KCNQ5: variants seen among roughly 807,000 people sequenced by gnomAD.
KCNQ5 encodes the protein potassium voltage-gated channel subfamily KQT member 5.
A neutral mutation model predicts 98.2 loss-of-function variants in KCNQ5; 30 were observed. The observed-to-expected ratio is 0.31, with a 90% CI of 0.23 to 0.41. The LOEUF is 0.41. Ranked by LOEUF, KCNQ5 falls within the 10% of genes least tolerant of loss-of-function variation. KCNQ5 has a pLI of 1.00. For synonymous variants in KCNQ5, 458 were observed against 449.4 expected (o/e 1.02, Z -0.24); for missense variants, 835 against 1,182.5 (o/e 0.71, Z 4.31).
At chr6:73,166,003 C>A (rs943385974) in intron 10 of KCNQ5, among the ~76,000 whole-genome samples, 3 of 152,016 alleles carry the variant, frequency 2.0e-5, no homozygotes, top group Non-Finnish European at 1.5e-5. Flanking sequence ...AGGTGAGGCT[C>A]AGGGTCAGAC....
chr6:73,109,789 A>C (rs6453634), intron 6 of KCNQ5, among the ~76,000 whole-genome samples: 143,120 of 152,294 alleles, frequency 0.94, 67,316 homozygotes, highest in South Asian at 0.98. Flanking sequence ...AACAGAACCT[A>C]TGATGTAATT....
intron 2 of KCNQ5, among the ~76,000 whole-genome samples, chr6:73,036,292 A>T (rs1771421924): frequency 6.7e-6 from 1 of 149,404 alleles, no homozygotes; most frequent in Non-Finnish European, 1.5e-5. Context: ...AGGCTGAGGC[A>T]GGCGAATGGC....
chr6:72,916,758 A>C (rs2150211702), intron 1 of KCNQ5, among the ~76,000 whole-genome samples: 1 of 152,214 alleles, frequency 6.6e-6, no homozygotes, highest in African/African-American at 2.4e-5. Flanking sequence ...TTATTTAATA[A>C]TTGATTTTAT....
intron 1 of KCNQ5, among the ~76,000 whole-genome samples, chr6:72,896,939 TGTTGGTTGGTTG>T (rs572167810): frequency 6.6e-6 from 1 of 151,204 alleles, no homozygotes; most frequent in East Asian, 2.0e-4. Context: ...TTTGTTTGTT[TGTTGGTTGGTTG>T]GTTGGTTGGT....
chr6:73,146,506 C>A (rs1776928755), intron 10 of KCNQ5, among the ~76,000 whole-genome samples: 1 of 151,700 alleles, frequency 6.6e-6, no homozygotes, highest in African/African-American at 2.4e-5. Flanking sequence ...AGGCCTATAG[C>A]CCCAGCCACT....
intron 1 of KCNQ5, among the ~76,000 whole-genome samples, chr6:72,682,589 T>A (rs1767760436): frequency 6.6e-6 from 1 of 152,192 alleles, no homozygotes; most frequent in South Asian, 2.1e-4. Flanking sequence ...TCTTTCCCTG[T>A]CTCAGGAATC....
intron 1 of KCNQ5, among the ~76,000 whole-genome samples, chr6:72,833,564 G>A (rs895271173): frequency 2.0e-5 from 3 of 152,118 alleles, no homozygotes; most frequent in African/African-American, 7.2e-5. Flanking sequence ...GTAAATATGT[G>A]TGGGTATCTT....
At position 72,948,326 on chromosome 6, in the gene KCNQ5, A is replaced by G. The variant is rs573984486; in HGVS notation, c.399-55582A>G. Among the ~76,000 whole-genome samples the G allele has an allele frequency of 7.2e-5, 11 of 152,122 alleles. No individual in the cohort carries two copies. The South Asian group carries it at 1.5e-3, about 20-fold the overall frequency. The stretch of plus-strand genomic sequence containing the variant: ...CAAATCCAACTGACCTGTCGTTACC[A>G]TACTTCACAGTTAAGAATCATGAGA... On this transcript the variant is annotated intron_variant, in intron 1 of 13. Coordinates refer to ENST00000370398, the MANE Select transcript of KCNQ5 (RefSeq NM_019842.4).
At position 73,088,310 on chromosome 6, in the gene KCNQ5, C is replaced by A. The variant is rs187137207; in HGVS notation, c.918+10423C>A. 3.7e-3 allele frequency among the ~76,000 whole-genome samples: 568 copies of A among 152,182 alleles called. 1 individual carries two copies. The highest frequency in any genetic ancestry group is 0.013 in the African/African-American group (532 of 41,542). On this transcript the variant is annotated intron_variant, in intron 5 of 13. Transcript: ENST00000370398. The stretch of plus-strand genomic sequence containing the variant: ...TGCTGAGATTACAGGCATAAGCCAC[C>A]GTGCCCAGACTCACTGTCCTTGTTT...
At chr6:73,034,898 T>A (rs967076060) in intron 2 of KCNQ5, among the ~76,000 whole-genome samples, 1 of 145,336 alleles carries the variant, frequency 6.9e-6, no homozygotes, top group Admixed American at 7.2e-5. Context: ...CAAGCTGGAG[T>A]GCAGTGGCAT....
chr6:73,002,654 A>C (rs1769635695), intron 1 of KCNQ5, among the ~76,000 whole-genome samples: 1 of 152,162 alleles, frequency 6.6e-6, no homozygotes. Flanking sequence ...TGACCCCTGA[A>C]TAGTCAGGGG....
At chr6:73,086,388 G>C (rs1259187332) in intron 5 of KCNQ5, among the ~76,000 whole-genome samples, 2 of 152,084 alleles carry the variant, frequency 1.3e-5, no homozygotes, top group Non-Finnish European at 2.9e-5. Flanking sequence ...CTTTCACACT[G>C]CCTGGGCTAA....
At chr6:72,822,523 G>A (rs1197761452) in intron 1 of KCNQ5, among the ~76,000 whole-genome samples, 1 of 152,160 alleles carries the variant, frequency 6.6e-6, no homozygotes, top group Non-Finnish European at 1.5e-5. Flanking sequence ...TAAAGATAGA[G>A]ACATCCACAA....
At chr6:72,961,800 T>G (rs1045612303) in intron 1 of KCNQ5, among the ~76,000 whole-genome samples, 5 of 151,926 alleles carry the variant, frequency 3.3e-5, no homozygotes, top group Admixed American at 1.3e-4. Flanking sequence ...GAAAAGAGGT[T>G]GACAGAGGAG....
chr6:72,830,205 A>C (rs1475470135), intron 1 of KCNQ5, among the ~76,000 whole-genome samples: 1 of 152,142 alleles, frequency 6.6e-6, no homozygotes, highest in Non-Finnish European at 1.5e-5. Flanking sequence ...GCTACCAATG[A>C]CTTTCTTCAC....
At chr6:73,075,278 A>G (rs1225837969) in intron 3 of KCNQ5, among the ~76,000 whole-genome samples, 1 of 149,070 alleles carries the variant, frequency 6.7e-6, no homozygotes, top group Non-Finnish European at 1.5e-5. Flanking sequence ...GCTGGAGTGC[A>G]GTGGCACGAT....
chr6:72,632,654 C>T (rs2098921664), intron 1 of KCNQ5, among the ~76,000 whole-genome samples: 1 of 152,128 alleles, frequency 6.6e-6, no homozygotes, highest in Non-Finnish European at 1.5e-5. Context: ...TATTTATCTT[C>T]ACACTTCTAA....
chr6:72,706,002 T>A (rs1203396781), intron 1 of KCNQ5, among the ~76,000 whole-genome samples: 3 of 152,116 alleles, frequency 2.0e-5, no homozygotes, highest in Admixed American at 1.3e-4. Context: ...TTGCATAAAT[T>A]GATTTTGCAA....
intron 1 of KCNQ5, among the ~76,000 whole-genome samples, chr6:72,865,572 C>T (rs1227775019): frequency 6.6e-6 from 1 of 152,160 alleles, no homozygotes; most frequent in Non-Finnish European, 1.5e-5. Flanking sequence ...GGATCCTGAA[C>T]AGGATGTTTT....
Sources: allele counts gnomAD v4.1 joint callset (sites outside exome capture counted in the v4.1 genomes callset), GRCh38; gene constraint gnomAD v4.1.1; transcripts MANE v1.5; gene names NCBI Gene and HGNC (gene_info 2026-07-23, HGNC 2026-07-21).